Variants in MYO1D observed in about 807,000 individuals in gnomAD.
The protein encoded by MYO1D is myosin ID.
In MYO1D, 83 loss-of-function variants were observed where a neutral mutation model predicts 122.0. That is an observed-to-expected ratio of 0.68 (90% CI 0.57 to 0.82). The LOEUF (loss-of-function observed/expected upper bound fraction) is 0.82, where lower values mean the gene tolerates loss of function less well. Ranked by LOEUF, MYO1D falls within the 40% of genes least tolerant of loss-of-function variation. The pLI is 0.00. For synonymous variants in MYO1D, 464 were observed against 446.9 expected (o/e 1.04, Z -0.48); for missense variants, 1,157 against 1,269.5 (o/e 0.91, Z 1.35).
chr17:32,558,778 G>A (rs547023613), intron 21 of MYO1D, among the ~76,000 whole-genome samples: 6 of 152,290 alleles, frequency 3.9e-5, no homozygotes, highest in Non-Finnish European at 5.9e-5. Context: ...ATCTGACAGG[G>A]AGTATAGTCT....
At chr17:32,664,556 G>A (rs1015976967) in intron 16 of MYO1D, among the ~76,000 whole-genome samples, 1 of 152,208 alleles carries the variant, frequency 6.6e-6, no homozygotes, top group Non-Finnish European at 1.5e-5. Flanking sequence ...CCAGCCAGAC[G>A]TTACATGCTT....
At chr17:32,568,560 TATC>T (rs1200395377) in intron 21 of MYO1D, among the ~76,000 whole-genome samples, 4 of 152,344 alleles carry the variant, frequency 2.6e-5, no homozygotes, top group African/African-American at 2.4e-5. Context: ...TTGTGGGACT[TATC>T]ATCTATCTGG....
intron 2 of MYO1D, among the ~76,000 whole-genome samples, chr17:32,779,284 T>C (rs1481631124): frequency 6.6e-6 from 1 of 152,050 alleles, no homozygotes; most frequent in Non-Finnish European, 1.5e-5. Flanking sequence ...TAGACTGTAC[T>C]GTAAGTCATG....
intron 10 of MYO1D, chr17:32,759,954 C>T: frequency 2.0e-6 from 1 of 500,200 alleles, no homozygotes; most frequent in African/African-American, 1.9e-5. Flanking sequence ...GATTCTGAAG[C>T]AAAGTTCAGC....
Position 32,876,760 on chromosome 17 carries a change from C to T in MYO1D, c.95+18G>A, listed in dbSNP as rs1246797936. The T allele has an allele frequency of 1.3e-6, 2 of 1,491,454 alleles. No homozygotes were observed. The highest frequency in any genetic ancestry group is 5.9e-5 in the East Asian group (2 of 33,740). The allele number at this position is 1,491,454 out of a possible 1,614,324, so 92.4% of individuals were successfully genotyped here. ...AAGCGCAGCCTCGCGCCCCTGCGCGCGGCCGCTCCGCCCTCACCTGAGCCT... is the reference window on the plus strand; with the variant it reads ...AAGCGCAGCCTCGCGCCCCTGCGCGTGGCCGCTCCGCCCTCACCTGAGCCT... On this transcript the variant is annotated intron_variant, in intron 1 of 21. Coordinates refer to ENST00000318217, the MANE Select transcript of MYO1D (RefSeq NM_015194.3).
At chr17:32,822,306 T>C (rs1034631142) in intron 1 of MYO1D, among the ~76,000 whole-genome samples, 27 of 141,032 alleles carry the variant, frequency 1.9e-4, no homozygotes, top group Non-Finnish European at 4.0e-4. Flanking sequence ...TTCTCACTCA[T>C]AGGTGGGAAT....
chr17:32,629,866 T>C (rs2087981126), intron 20 of MYO1D, among the ~76,000 whole-genome samples: 1 of 152,214 alleles, frequency 6.6e-6, no homozygotes, highest in Non-Finnish European at 1.5e-5. Context: ...TGTACTCTAT[T>C]TGATAAAGTC....
intron 20 of MYO1D, among the ~76,000 whole-genome samples, chr17:32,621,759 T>C (rs1257414992): frequency 6.6e-6 from 1 of 152,002 alleles, no homozygotes; most frequent in East Asian, 1.9e-4. Context: ...AGTGTGATGG[T>C]ATTTGGAGGT....
intron 16 of MYO1D, among the ~76,000 whole-genome samples, chr17:32,684,552 T>C (rs2088978131): frequency 6.6e-6 from 1 of 152,158 alleles, no homozygotes; most frequent in South Asian, 2.1e-4. Flanking sequence ...CGCTGATCTG[T>C]AAAAAGGCCC....
chr17:32,817,632 T>C (rs559706406), intron 1 of MYO1D, among the ~76,000 whole-genome samples: 4 of 152,208 alleles, frequency 2.6e-5, no homozygotes, highest in Admixed American at 6.5e-5. Context: ...CCAGTAGAGG[T>C]TGATGTTCCT....
intron 1 of MYO1D, among the ~76,000 whole-genome samples, chr17:32,873,601 C>T (rs1448818368): frequency 6.6e-6 from 1 of 152,138 alleles, no homozygotes; most frequent in Non-Finnish European, 1.5e-5. Flanking sequence ...TCACCTTCTG[C>T]AAAGTGAAAG....
At chr17:32,711,645 C>T (rs1157298293) in intron 16 of MYO1D, among the ~76,000 whole-genome samples, 5 of 150,594 alleles carry the variant, frequency 3.3e-5, no homozygotes, top group Non-Finnish European at 5.9e-5. Flanking sequence ...GACTCCGTCT[C>T]GGGGGGGAAA....
At chr17:32,766,788 T>A (rs1168921836) in intron 7 of MYO1D, among the ~76,000 whole-genome samples, 1 of 52,162 alleles carries the variant, frequency 1.9e-5, no homozygotes. Context: ...CGAGATTCCA[T>A]CTCAAAAAGA....
chr17:32,701,367 A>G (rs2033301746), intron 16 of MYO1D, among the ~76,000 whole-genome samples: 2 of 152,236 alleles, frequency 1.3e-5, no homozygotes, highest in Admixed American at 1.3e-4. Context: ...AGACTGTTCC[A>G]AAATACAGAC....
At chr17:32,526,998 C>T (rs1276774239) in intron 21 of MYO1D, among the ~76,000 whole-genome samples, 2 of 152,232 alleles carry the variant, frequency 1.3e-5, no homozygotes, top group Non-Finnish European at 2.9e-5. Context: ...AACCTTCTGC[C>T]TAAGCAGATA....
intron 1 of MYO1D, among the ~76,000 whole-genome samples, chr17:32,825,883 T>A (rs897082342): frequency 1.3e-5 from 2 of 151,494 alleles, no homozygotes; most frequent in Non-Finnish European, 2.9e-5. Context: ...ACCAAACATT[T>A]AAAAAATAAG....
At chr17:32,732,012 C>T (rs886971314) in intron 14 of MYO1D, among the ~76,000 whole-genome samples, 11 of 152,360 alleles carry the variant, frequency 7.2e-5, no homozygotes, top group Admixed American at 5.9e-4. Context: ...GAGGCTGAGC[C>T]TGGGCACTGT....
intron 20 of MYO1D, among the ~76,000 whole-genome samples, chr17:32,633,197 C>A (rs1277286813): frequency 6.8e-6 from 1 of 148,136 alleles, no homozygotes; most frequent in African/African-American, 2.5e-5. Flanking sequence ...AAGCCCCCAA[C>A]TAAAAAGGCT....
At chr17:32,641,782 CT>C (rs1379532996) in intron 19 of MYO1D, among the ~76,000 whole-genome samples, 5 of 150,180 alleles carry the variant, frequency 3.3e-5, no homozygotes, top group African/African-American at 9.7e-5. Context: ...GATGGGGTTG[CT>C]TTTTTTCTTG....
Sources: allele counts gnomAD v4.1 joint callset (sites outside exome capture counted in the v4.1 genomes callset), GRCh38; gene constraint gnomAD v4.1.1; transcripts MANE v1.5; gene names NCBI Gene and HGNC (gene_info 2026-07-23, HGNC 2026-07-21).